DEFB114: variants seen among roughly 807,000 people sequenced by gnomAD.
DEFB114 encodes the protein beta-defensin 114.
Under a neutral mutation model 2.4 loss-of-function variants are expected in DEFB114, and 4 were observed. The ratio of observed to expected loss-of-function variants is 1.67; its 90% CI spans 0.82 to 3.82. The LOEUF (loss-of-function observed/expected upper bound fraction) is 3.82, where lower values mean the gene tolerates loss of function less well. Among genes scored for constraint, DEFB114 ranks in the 30% most tolerant of loss-of-function variants. DEFB114 has a pLI of 0.01. For missense variants in DEFB114, 113 were observed against 85.8 expected (o/e 1.32, Z -1.25); for synonymous variants, 35 against 24.6 (o/e 1.42, Z -1.26).
At chr6:49,963,632 C>T (rs1200466644) in intron 1 of DEFB114, among the ~76,000 whole-genome samples, 1 of 149,592 alleles carries the variant, frequency 6.7e-6, no homozygotes, top group Non-Finnish European at 1.5e-5. Flanking sequence ...TTCTAATATC[C>T]ATTTGATCAT....
intron 1 of DEFB114, among the ~76,000 whole-genome samples, chr6:49,961,996 T>C (rs1468480663): frequency 2.0e-5 from 3 of 150,610 alleles, no homozygotes; most frequent in Non-Finnish European, 4.5e-5. Context: ...TACATACATA[T>C]ACGACATTTT....
At chr6:49,961,870 T>C (rs921029405) in intron 1 of DEFB114, among the ~76,000 whole-genome samples, 7 of 150,816 alleles carry the variant, frequency 4.6e-5, no homozygotes, top group African/African-American at 1.2e-4. Context: ...AATGCAACAG[T>C]ACAGCACATA....
chr6:49,960,489 A>G, intron 1 of DEFB114, 43 bp from the exon 2 acceptor site: 1 of 1,553,964 alleles, frequency 6.4e-7, no homozygotes, highest in Non-Finnish European at 8.7e-7. Flanking sequence ...TCTTTTATTT[A>G]AGCATATATT....
rs989196880 is a variant in DEFB114, at chr6:49,960,328, G to A, written c.174C>T (p.Cys58=). 7.5e-6 allele frequency: 12 copies of A among 1,606,054 alleles called. No individual in the cohort carries two copies. Among genetic ancestry groups the A allele is most frequent in the Non-Finnish European group, 1.0e-5 (12 of 1,175,644 alleles). ...CATCTTCTTCATACAATTTCTCAGTGCAGCAAATTTTTCTTGGTAAGGAAC... is the reference window on the plus strand; with the variant it reads ...CATCTTCTTCATACAATTTCTCAGTACAGCAAATTTTTCTTGGTAAGGAAC... The part of the protein sequence containing the change: ...DICSLPRKIC[C]TEKLYEEDDM... Residue 58 remains cysteine (C), a synonymous_variant, in exon 2 of 2, where the codon TGC becomes TGT. Coordinates refer to ENST00000322066, the MANE Select transcript of DEFB114 (RefSeq NM_001037499.2).
chr6:49,962,250 G>C (rs905250452), intron 1 of DEFB114, among the ~76,000 whole-genome samples: 1 of 150,366 alleles, frequency 6.7e-6, no homozygotes, highest in African/African-American at 2.4e-5. Flanking sequence ...TCTAAGAAAT[G>C]CTTGATATTT....
At chr6:49,963,892 T>C (rs955357014) in intron 1 of DEFB114, among the ~76,000 whole-genome samples, 159 bp downstream of exon 1, 1 of 150,104 alleles carries the variant, frequency 6.7e-6, no homozygotes, top group African/African-American at 2.4e-5. Context: ...TACACCAGTA[T>C]AATGATATTA....
intron 1 of DEFB114, 69 bp downstream of exon 1, chr6:49,963,982 A>G (rs1773502418): frequency 2.5e-6 from 3 of 1,206,948 alleles, no homozygotes; most frequent in Non-Finnish European, 2.4e-6. Context: ...GCATTCTACA[A>G]TTAATAATTT....
intron 1 of DEFB114, among the ~76,000 whole-genome samples, chr6:49,962,676 T>C (rs1773482232): frequency 6.6e-6 from 1 of 150,442 alleles, no homozygotes; most frequent in Non-Finnish European, 1.5e-5. Flanking sequence ...TTACATTAAC[T>C]TGCATGCTTT....
intron 1 of DEFB114, among the ~76,000 whole-genome samples, chr6:49,963,425 CTAAT>C (rs1773494372): frequency 6.7e-6 from 1 of 149,972 alleles, no homozygotes; most frequent in Non-Finnish European, 1.5e-5. Context: ...CTACTTACAT[CTAAT>C]TAAGTCTTAT....
At chr6:49,962,961 G>T (rs574007701) in intron 1 of DEFB114, among the ~76,000 whole-genome samples, 1 of 150,196 alleles carries the variant, frequency 6.7e-6, no homozygotes, top group South Asian at 2.1e-4. Flanking sequence ...ACAACAAAAA[G>T]AAATAGAAAA....
intron 1 of DEFB114, among the ~76,000 whole-genome samples, chr6:49,962,840 T>G (rs2113912844): frequency 6.6e-6 from 1 of 150,408 alleles, no homozygotes; most frequent in South Asian, 2.1e-4. Flanking sequence ...TACGTTGTTC[T>G]GTAGTGCCAT....
rs1412770744 is a variant in DEFB114 at position 49,960,267 on chromosome 6, T to A, written c.*25A>T. 6.3e-7 allele frequency: 1 copy of A among 1,575,092 alleles called. No individual in the cohort carries two copies. On this transcript the variant is annotated 3_prime_UTR_variant, in exon 2 of 2. Transcript: ENST00000322066. ...TCTGCACTGGTGCACATGTAACTTC[T>A]TTGTTCAGAGGTATGCCTTTCTTTT...
intron 1 of DEFB114, among the ~76,000 whole-genome samples, chr6:49,960,666 T>C (rs1326337019): frequency 1.3e-5 from 2 of 150,952 alleles, no homozygotes; most frequent in African/African-American, 4.8e-5. Flanking sequence ...AAAACTTGTT[T>C]TAAAATTAAT....
intron 1 of DEFB114, among the ~76,000 whole-genome samples, chr6:49,961,621 G>A (rs1178748397): frequency 1.3e-5 from 2 of 150,670 alleles, no homozygotes; most frequent in African/African-American, 4.8e-5. Context: ...ATTTCTTTAT[G>A]TATGAACTTT....
intron 1 of DEFB114, among the ~76,000 whole-genome samples, chr6:49,963,410 G>A (rs1773494118): frequency 6.7e-6 from 1 of 149,762 alleles, no homozygotes; most frequent in Non-Finnish European, 1.5e-5. Context: ...TCTAGTGTCT[G>A]TTTTCTACTT....
chr6:49,960,253 G>A lies in DEFB114; in HGVS notation c.*39C>T, dbSNP rs746611736. ...TATTCCCACACCTCTCTGCACTGGT[G>A]CACATGTAACTTCTTTGTTCAGAGG... is the stretch of plus-strand genomic sequence containing the variant. On this transcript the variant is annotated 3_prime_UTR_variant, in exon 2 of 2. Coordinates refer to ENST00000322066, the MANE Select transcript of DEFB114 (RefSeq NM_001037499.2). 1 of 1,553,392 alleles carries A rather than the reference G, an allele frequency of 6.4e-7. No individual in the cohort carries two copies. Among genetic ancestry groups the A allele is most frequent in the Non-Finnish European group, 8.7e-7 (1 of 1,152,256 alleles).
intron 1 of DEFB114, among the ~76,000 whole-genome samples, chr6:49,961,159 A>C (rs926291177): frequency 5.3e-5 from 8 of 150,744 alleles, no homozygotes; most frequent in African/African-American, 1.9e-4. Context: ...GATTTTAAAC[A>C]ATTACATTTT....
At chr6:49,960,588 A>T (rs965993941) in intron 1 of DEFB114, 142 bp from the exon 2 acceptor site, 1 of 723,038 alleles carries the variant, frequency 1.4e-6, no homozygotes, top group East Asian at 3.1e-5. Context: ...CTTATACCCC[A>T]TGTATATATA....
chr6:49,962,979 G>A (rs1441599750), intron 1 of DEFB114, among the ~76,000 whole-genome samples: 3 of 150,148 alleles, frequency 2.0e-5, no homozygotes, highest in African/African-American at 4.9e-5. Context: ...AAATCTAAAT[G>A]TTTCCAAATT....
Sources: gnomAD v4.1 joint callset for allele counts (sites outside exome capture counted in the v4.1 genomes callset) on GRCh38, gnomAD v4.1.1 for gene constraint, MANE v1.5 for transcripts, NCBI Gene and HGNC (gene_info 2026-07-23, HGNC 2026-07-21) for gene names.